Variants in R3HCC1L observed in about 807,000 individuals in gnomAD.
R3HCC1L encodes the protein coiled-coil domain-containing protein R3HCC1L.
In R3HCC1L, 51 loss-of-function variants were observed where a neutral mutation model predicts 59.9. The ratio of observed to expected loss-of-function variants is 0.85; its 90% confidence interval spans 0.68 to 1.07. R3HCC1L has a LOEUF of 1.07. R3HCC1L is among the 50% of genes least tolerant of loss of function. The pLI is 0.00. For synonymous variants in R3HCC1L, 322 were observed against 315.2 expected (o/e 1.02, Z -0.23); for missense variants, 965 against 933.0 (o/e 1.03, Z -0.45).
intron 4 of R3HCC1L, chr10:98,174,395 A>G: frequency 2.1e-6 from 1 of 486,602 alleles, no homozygotes; most frequent in Non-Finnish European, 2.7e-6. Context: ...ATCTAAAGTA[A>G]TTTAAAATCA....
In R3HCC1L at chr10:98,208,713, A is replaced by G. The variant is rs774562858; in HGVS notation, c.599A>G (p.Asp200Gly). Residue 200 changes from aspartate to glycine, a missense_variant, in exon 5 of 10, where the codon GAC (aspartate) becomes GGC (glycine). Coordinates refer to ENST00000298999, the MANE Select transcript of R3HCC1L (RefSeq NM_001351015.2). ...RHEPDGEAFE[D>G]KDLEGRIETD... Reference sequence around the variant, plus strand: ...GAACCTGATGGGGAAGCATTTGAAGACAAAGATTTGGAAGGCAGAATTGAA... The same window carrying G: ...GAACCTGATGGGGAAGCATTTGAAGGCAAAGATTTGGAAGGCAGAATTGAA... 5.6e-6 allele frequency: 9 copies of G among 1,614,054 alleles called. No individual in the cohort carries two copies. The Admixed American group carries it at 1.5e-4, about 27-fold the overall frequency.
intron 1 of R3HCC1L, among the ~76,000 whole-genome samples, chr10:98,154,199 AAAAAGG>A (rs1266956412): frequency 1.3e-5 from 2 of 151,778 alleles, no homozygotes; most frequent in Non-Finnish European, 2.9e-5. Flanking sequence ...AAAAAAAAAA[AAAAAGG>A]AAGAAAGAGC....
rs1477579476 is a variant in R3HCC1L at position 98,236,419 on chromosome 10, T to G, written c.2269+255T>G. On this transcript the variant is annotated intron_variant, in intron 9 of 9. Transcript: ENST00000298999. Reference sequence around the variant, plus strand: ...AAGAGATAGGTTTGGTCTTCTCAGCTCATCCATGGCTTTTCCTACAGTTTT... The same window carrying G: ...AAGAGATAGGTTTGGTCTTCTCAGCGCATCCATGGCTTTTCCTACAGTTTT... Among the ~76,000 whole-genome samples the G allele has an allele frequency of 4.6e-5, 7 of 152,202 alleles. No individual in the cohort carries two copies. The East Asian group carries it at 1.3e-3, about 29-fold the overall frequency.
intron 4 of R3HCC1L, among the ~76,000 whole-genome samples, chr10:98,170,165 G>A (rs1024541501): frequency 6.6e-6 from 1 of 152,068 alleles, no homozygotes; most frequent in Non-Finnish European, 1.5e-5. Flanking sequence ...CATATACTCG[G>A]TGGAAAACTG....
rs368782663 is a variant in R3HCC1L, at chr10:98,231,691, A to G, written c.1961+4A>G. Reference sequence around the variant, plus strand: ...TACGGGTTTTCTGCAGTTATCAGTGAGTATGCAAATGATTGTGGATGTTAG... The same window carrying G: ...TACGGGTTTTCTGCAGTTATCAGTGGGTATGCAAATGATTGTGGATGTTAG... On this transcript the variant is annotated splice_donor_region_variant and intron_variant, in intron 6 of 9. Coordinates refer to ENST00000298999, the MANE Select transcript of R3HCC1L (RefSeq NM_001351015.2). 6.3e-7 allele frequency: 1 copy of G among 1,596,916 alleles called. No individual in the cohort carries two copies. The highest frequency in any genetic ancestry group is 8.5e-7 in the Non-Finnish European group (1 of 1,169,646).
rs1458540177 is a variant in R3HCC1L, at chr10:98,209,967, TAGAC to T, written c.1785+71_1785+74del. 4.0e-6 allele frequency: 5 copies of T among 1,255,672 alleles called. No individual in the cohort carries two copies. In the South Asian group the frequency reaches 4.2e-5, roughly 11 times the overall value. 77.8% of individuals were successfully genotyped at this position (1,255,672 alleles called of 1,614,324 possible). On this transcript the variant is annotated intron_variant, in intron 5 of 9. Transcript: ENST00000298999. ...ATTAGGATTTCAGTGGTAATTTTGATAGACAGTGATGCACATTCACTGATATTTA... is the reference window on the plus strand; with the variant it reads ...ATTAGGATTTCAGTGGTAATTTTGATAGTGATGCACATTCACTGATATTTA...
chr10:98,145,359 C>T (rs1235450402), intron 1 of R3HCC1L, among the ~76,000 whole-genome samples: 1 of 152,134 alleles, frequency 6.6e-6, no homozygotes, highest in Non-Finnish European at 1.5e-5. Context: ...AGTCAGAATA[C>T]CGCAAAATTT....
chr10:98,202,531 A>T (rs1181665123), intron 4 of R3HCC1L, among the ~76,000 whole-genome samples: 2 of 152,116 alleles, frequency 1.3e-5, no homozygotes, highest in African/African-American at 4.8e-5. Flanking sequence ...GACATCAGAC[A>T]AACCTTACAT....
chr10:98,204,932 G>A (rs1225891595), intron 4 of R3HCC1L, among the ~76,000 whole-genome samples: 3 of 152,112 alleles, frequency 2.0e-5, no homozygotes, highest in Non-Finnish European at 4.4e-5. Flanking sequence ...GGGGACTACT[G>A]TATCCTGACA....
chr10:98,158,674 T>A (rs1485630394), intron 2 of R3HCC1L, among the ~76,000 whole-genome samples: 1 of 152,228 alleles, frequency 6.6e-6, no homozygotes, highest in Non-Finnish European at 1.5e-5. Flanking sequence ...TTAAGTAACC[T>A]ACAGACATTC....
chr10:98,138,087 G>A (rs1254319347), intron 1 of R3HCC1L, among the ~76,000 whole-genome samples: 1 of 152,110 alleles, frequency 6.6e-6, no homozygotes, highest in Non-Finnish European at 1.5e-5. Flanking sequence ...GAGAAAAATG[G>A]TTTGTTGGTC....
At chr10:98,145,551 G>A (rs1365244348) in intron 1 of R3HCC1L, among the ~76,000 whole-genome samples, 1 of 152,152 alleles carries the variant, frequency 6.6e-6, no homozygotes, top group African/African-American at 2.4e-5. Flanking sequence ...AATGAATGCT[G>A]CCCCTTTTAA....
chr10:98,227,858 T>G (rs1249400988), intron 5 of R3HCC1L, among the ~76,000 whole-genome samples: 1 of 152,130 alleles, frequency 6.6e-6, no homozygotes, highest in African/African-American at 2.4e-5. Context: ...TGCGATAGTT[T>G]GCTGAGAATG....
At chr10:98,175,265 G>A (rs971474382) in intron 4 of R3HCC1L, among the ~76,000 whole-genome samples, 31 of 152,240 alleles carry the variant, frequency 2.0e-4, no homozygotes, top group Admixed American at 1.9e-3. Context: ...AAGGGTCAGT[G>A]CTGTCAGCTG....
At chr10:98,219,410 T>C (rs1854607336) in intron 5 of R3HCC1L, among the ~76,000 whole-genome samples, 1 of 152,246 alleles carries the variant, frequency 6.6e-6, no homozygotes, top group South Asian at 2.1e-4. Flanking sequence ...AATTATATCT[T>C]TTAAGTGGAG....
At chr10:98,152,602 C>T (rs1392768397) in intron 1 of R3HCC1L, among the ~76,000 whole-genome samples, 1 of 126,750 alleles carries the variant, frequency 7.9e-6, no homozygotes, top group Non-Finnish European at 1.8e-5. Context: ...TCTGCCCAGC[C>T]GCCCATAGTC....
chr10:98,208,017 T>A (rs1358651048), intron 4 of R3HCC1L, 84 bp from the exon 5 acceptor site: 34 of 1,261,268 alleles, frequency 2.7e-5, no homozygotes, highest in Non-Finnish European at 3.6e-5. Flanking sequence ...AGTGTGAGAC[T>A]CTGTCCCAAA....
At chr10:98,231,457 T>A in intron 5 of R3HCC1L, 55 bp from the exon 6 acceptor site, 14 of 1,487,664 alleles carry the variant, frequency 9.4e-6, no homozygotes, top group Non-Finnish European at 1.3e-5. Flanking sequence ...AGGAATATAT[T>A]TTACAATAAC....
At chr10:98,194,460 A>G (rs1851206055) in intron 4 of R3HCC1L, among the ~76,000 whole-genome samples, 1 of 152,166 alleles carries the variant, frequency 6.6e-6, no homozygotes, top group African/African-American at 2.4e-5. Context: ...TCCAACTTAA[A>G]AAACTAAAAA....
Sources: allele counts gnomAD v4.1 joint callset (sites outside exome capture counted in the v4.1 genomes callset), GRCh38; gene constraint gnomAD v4.1.1; transcripts MANE v1.5; gene names NCBI Gene and HGNC (gene_info 2026-07-23, HGNC 2026-07-21).